The following IL6R variants were observed in gnomAD, a reference collection of about 807,000 sequenced individuals.
IL6R encodes the protein interleukin 6 receptor.
Under a neutral mutation model 48.3 loss-of-function variants are expected in IL6R, and 38 were observed. The observed-to-expected ratio is 0.79, with a 90% CI of 0.61 to 1.03. The LOEUF is 1.03. Among genes scored for constraint, IL6R ranks in the 50% least tolerant of loss-of-function variants. IL6R has a pLI of 0.00. For synonymous variants in IL6R, 264 were observed against 256.2 expected, an observed-to-expected ratio of 1.03 and a Z score of -0.29; for missense variants, 534 against 618.3, an observed-to-expected ratio of 0.86 and a Z score of 1.45.
intron 1 of IL6R, among the ~76,000 whole-genome samples, chr1:154,426,507 C>G (rs187865478): frequency 9.6e-5 from 13 of 135,272 alleles, no homozygotes; most frequent in Admixed American, 8.0e-4. Context: ...GGTGATAGAG[C>G]GAGATTCTGT....
chr1:154,453,953 A>G (rs1163137188), intron 8 of IL6R, among the ~76,000 whole-genome samples: 1 of 152,250 alleles, frequency 6.6e-6, no homozygotes, highest in Non-Finnish European at 1.5e-5. Context: ...AATGAAGTTC[A>G]TATGGCTGGG....
chr1:154,417,590 CTT>C (rs1178436395), intron 1 of IL6R, among the ~76,000 whole-genome samples: 1 of 152,042 alleles, frequency 6.6e-6, no homozygotes, highest in African/African-American at 2.4e-5. Flanking sequence ...GATATCCTTT[CTT>C]TTTTTGAGAC....
chr1:154,452,468 C>T (rs1690638167), intron 8 of IL6R, among the ~76,000 whole-genome samples: 1 of 152,202 alleles, frequency 6.6e-6, no homozygotes, highest in Non-Finnish European at 1.5e-5. Flanking sequence ...TTTGCCAGCT[C>T]CTTCCTATTA....
chr1:154,464,004 C>T (rs117439831), intron 9 of IL6R, among the ~76,000 whole-genome samples: 1 of 152,260 alleles, frequency 6.6e-6, no homozygotes, highest in East Asian at 1.9e-4. Flanking sequence ...GCAAGAGGAA[C>T]AGGAAGGCAG....
intron 3 of IL6R, among the ~76,000 whole-genome samples, chr1:154,432,838 A>T (rs1259602796): frequency 6.6e-6 from 1 of 152,172 alleles, no homozygotes; most frequent in African/African-American, 2.4e-5. Flanking sequence ...CCCAGCCCCC[A>T]CTGAGGCCCC....
chr1:154,441,272 T>C (rs577904210), intron 6 of IL6R, among the ~76,000 whole-genome samples: 1 of 152,268 alleles, frequency 6.6e-6, no homozygotes, highest in Non-Finnish European at 1.5e-5. Flanking sequence ...CTCCTTCTAT[T>C]GGAAGATGGT....
chr1:154,427,976 G>A (rs181075944), intron 1 of IL6R, among the ~76,000 whole-genome samples: 4 of 152,310 alleles, frequency 2.6e-5, no homozygotes, highest in Admixed American at 2.6e-4. Context: ...GAAATCTTTG[G>A]CCAGATTTAT....
chr1:154,447,416 G>A (rs12730935), intron 6 of IL6R, among the ~76,000 whole-genome samples: 28,697 of 103,160 alleles, frequency 0.28, 5,191 homozygotes, highest in Admixed American at 0.44. Context: ...TCCAGCCTGG[G>A]CAAAAGAGTG....
rs2228146 is a variant in IL6R at position 154,454,574 on chromosome 1, G to A, written c.1153G>A (p.Val385Ile). 9.5e-3 allele frequency: 15,324 copies of A among 1,610,126 alleles called. 1,308 individuals are homozygous for A. In the African/African-American group the frequency reaches 0.18, roughly 19 times the overall value. Residue 385 changes from valine (V) to isoleucine (I), a missense_variant, in exon 9 of 10, where the codon GTT (valine) becomes ATT (isoleucine). Transcript: ENST00000368485. ...AFGTLLCIAI[V>I]LRFKKTWKLR... is the part of the protein sequence containing the mutation. Reference sequence around the variant, plus strand: ...CGGAACGCTCCTCTGCATTGCCATTGTTCTGAGGTGAGATGGGTCCCAGGG... The same window carrying A: ...CGGAACGCTCCTCTGCATTGCCATTATTCTGAGGTGAGATGGGTCCCAGGG...
chr1:154,443,202 A>G lies in IL6R; in HGVS notation c.950-4923A>G, dbSNP rs558681060. Among the ~76,000 whole-genome samples, 545 of 152,328 alleles carry G rather than the reference A, an allele frequency of 3.6e-3. 3 individuals carry two copies. The highest frequency in any genetic ancestry group is 5.2e-3 in the Non-Finnish European group (354 of 68,030). The stretch of plus-strand genomic sequence containing the variant: ...GGAATCACACCTGTTGGAGGAGGTG[A>G]TACCAAAGGTTTGCATTTGCACATG... On this transcript the variant is annotated intron_variant, in intron 6 of 9. Coordinates refer to ENST00000368485, the MANE Select transcript of IL6R (RefSeq NM_000565.4).
rs773716561 is a variant in IL6R, at chr1:154,434,603, G to A, written c.543G>A (p.Pro181=). ...AGTTCTCCTGCCAGTTAGCAGTCCC[G>A]GAGGGAGACAGCTCTTTCTACATAG... ...SQKFSCQLAV[P]EGDSSFYIVS... is the part of the protein sequence containing the mutation. The change falls in exon 4 of 10, where the codon CCG becomes CCA. Residue 181 remains proline (P), a synonymous_variant. Transcript: ENST00000368485. The A allele has an allele frequency of 1.1e-5, 17 of 1,613,928 alleles. No homozygotes were observed. Among genetic ancestry groups the A allele is most frequent in the Non-Finnish European group, 5.9e-6 (7 of 1,179,958 alleles).
At chr1:154,420,613 G>A (rs1688607924) in intron 1 of IL6R, among the ~76,000 whole-genome samples, 4 of 151,696 alleles carry the variant, frequency 2.6e-5, no homozygotes, top group Non-Finnish European at 5.9e-5. Context: ...TCGACTCACT[G>A]CAGCCTCTGC....
At chr1:154,413,349 G>C (rs1330971257) in intron 1 of IL6R, among the ~76,000 whole-genome samples, 1 of 152,202 alleles carries the variant, frequency 6.6e-6, no homozygotes, top group Admixed American at 6.5e-5. Context: ...TTGCTCTTAC[G>C]GCCCCTGCTG....
chr1:154,450,800 T>C (rs545632807), intron 8 of IL6R, among the ~76,000 whole-genome samples: 3 of 152,238 alleles, frequency 2.0e-5, no homozygotes, highest in Non-Finnish European at 2.9e-5. Context: ...CTGATGACTC[T>C]TGGGCTTCGT....
chr1:154,434,771 A>G (rs1689514642), intron 4 of IL6R, 71 bp downstream of exon 4: 1 of 1,469,194 alleles, frequency 6.8e-7, no homozygotes, highest in Non-Finnish European at 9.3e-7. Flanking sequence ...TCGACTTCTC[A>G]GAGTGGCAGG....
In IL6R at chr1:154,465,659, C is replaced by T; in HGVS notation, c.*279C>T. ...GAGAACCATATCAAGACTCTTTGGACACTCACACGGACACTCAAAAGCTGG... is the reference window on the plus strand; with the variant it reads ...GAGAACCATATCAAGACTCTTTGGATACTCACACGGACACTCAAAAGCTGG... On this transcript the variant is annotated 3_prime_UTR_variant, in exon 10 of 10. Transcript: ENST00000368485. 4 of 444,124 alleles carry T rather than the reference C, an allele frequency of 9.0e-6. No homozygotes were observed. In the South Asian group the frequency reaches 9.6e-5, roughly 11 times the overall value. 27.5% of individuals were successfully genotyped at this position (444,124 alleles called of 1,614,324 possible). A position where few individuals can be genotyped will look rare whatever the true frequency, so the allele number is the denominator to read the frequency against.
chr1:154,419,974 C>T (rs879770945), intron 1 of IL6R, among the ~76,000 whole-genome samples: 1 of 151,982 alleles, frequency 6.6e-6, no homozygotes, highest in African/African-American at 2.4e-5. Context: ...TGGTGGGGGT[C>T]CCAGTGTCCC....
At chr1:154,436,417 G>T (rs987957131) in intron 6 of IL6R, among the ~76,000 whole-genome samples, 2 of 152,244 alleles carry the variant, frequency 1.3e-5, no homozygotes, top group African/African-American at 2.4e-5. Flanking sequence ...GGCGGAGGTT[G>T]CAGTGAGCCG....
chr1:154,435,421 A>G (rs1689560325), intron 5 of IL6R, among the ~76,000 whole-genome samples: 1 of 151,644 alleles, frequency 6.6e-6, no homozygotes, highest in African/African-American at 2.4e-5. Context: ...AGACAGGAGA[A>G]TCCCTTGAAC....
Sources: gnomAD v4.1 joint callset for allele counts (sites outside exome capture counted in the v4.1 genomes callset) on GRCh38, gnomAD v4.1.1 for gene constraint, MANE v1.5 for transcripts, NCBI Gene and HGNC (gene_info 2026-07-23, HGNC 2026-07-21) for gene names.